RABGGTB: variants seen among roughly 807,000 people sequenced by gnomAD.
The protein encoded by RABGGTB is Rab geranylgeranyltransferase subunit beta, also known as geranylgeranyl transferase type-2 subunit beta.
RABGGTB carries 20 observed loss-of-function variants against 44.5 expected under a neutral mutation model. The observed-to-expected ratio is 0.45, with a 90% CI of 0.32 to 0.65. The LOEUF is 0.65. Ranked by LOEUF, RABGGTB falls within the 30% of genes least tolerant of loss-of-function variation. The pLI is 0.05. For missense variants in RABGGTB, 302 were observed against 398.7 expected (o/e 0.76, Z 2.06); for synonymous variants, 128 against 136.7 (o/e 0.94, Z 0.44).
rs567084876 is a variant in RABGGTB at position 75,793,892 on chromosome 1, T to A, written c.706-192T>A. On this transcript the variant is annotated intron_variant, in intron 7 of 8. Coordinates refer to ENST00000319942, the MANE Select transcript of RABGGTB (RefSeq NM_004582.4). ...AGTTTGGTCTCTTCTTACCCATTAATTGATTATCTTTCATTCTAAGCAAGT... is the reference window on the plus strand; with the variant it reads ...AGTTTGGTCTCTTCTTACCCATTAAATGATTATCTTTCATTCTAAGCAAGT... 7.7e-6 allele frequency: 4 copies of A among 520,876 alleles called. No homozygotes were observed. In the South Asian group the frequency reaches 1.3e-4, roughly 17 times the overall value. 32.3% of individuals were successfully genotyped at this position (520,876 alleles called of 1,614,324 possible). A position where few individuals can be genotyped will look rare whatever the true frequency, so the allele number is the denominator to read the frequency against.
Position 75,791,513 on chromosome 1 carries a change from G to A in RABGGTB, c.521G>A (p.Cys174Tyr), listed in dbSNP as rs1649645069. 6.2e-7 allele frequency: 1 copy of A among 1,613,182 alleles called. No homozygotes were observed. The highest frequency in any genetic ancestry group is 2.2e-5 in the East Asian group (1 of 44,852). The change falls in exon 6 of 9, where the codon TGT becomes TAT. Residue 174 changes from cysteine (C) to tyrosine (Y), a missense_variant. This residue lies in a region of RABGGTB where 213 missense variants were observed against 323.7 expected (regional missense o/e 0.66). Coordinates refer to ENST00000319942, the MANE Select transcript of RABGGTB (RefSeq NM_004582.4). The stretch of plus-strand genomic sequence containing the variant: ...AAGGCAATCGAATTTGTTTTATCCT[G>A]TATGAACTTTGACGGTGGATTTGGT... ...VEKAIEFVLSCMNFDGGFGCR... is the reference protein window; with the variant it reads ...VEKAIEFVLSYMNFDGGFGCR...
At chr1:75,788,388 C>G (rs894563361) in intron 2 of RABGGTB, 1 of 155,868 alleles carries the variant, frequency 6.4e-6, no homozygotes, top group African/African-American at 2.4e-5. Context: ...ACTGCAGCCT[C>G]CATCTCCTGG....
At chr1:75,791,649 GTGTT>G in intron 6 of RABGGTB, 78 bp downstream of exon 6, 1 of 1,267,478 alleles carries the variant, frequency 7.9e-7, no homozygotes, top group South Asian at 1.3e-5. Context: ...GGTTATTTCA[GTGTT>G]TGTCAAATAC....
intron 4 of RABGGTB, 140 bp downstream of exon 4, chr1:75,790,197 A>G: frequency 1.4e-6 from 2 of 1,468,924 alleles, no homozygotes; most frequent in Non-Finnish European, 1.8e-6. Flanking sequence ...GTCTGCTGGA[A>G]CTTCCAGCAT....
In RABGGTB at chr1:75,789,177, T is replaced by C; in HGVS notation, c.130T>C (p.Tyr44His). 1 of 1,613,824 alleles carries C rather than the reference T, an allele frequency of 6.2e-7. No individual in the cohort carries two copies. The change falls in exon 3 of 9, where the codon TAT becomes CAT. Residue 44 changes from tyrosine to histidine, a missense_variant. This residue lies in a region of RABGGTB where 89 missense variants were observed against 75.0 expected (regional missense o/e 1.19). Transcript: ENST00000319942. Reference sequence around the variant, plus strand: ...ATTTTAGGAATACTGTATGTCTGAGTATTTGAGAATGAGTGGCATCTATTG... The same window carrying C: ...ATTTTAGGAATACTGTATGTCTGAGCATTTGAGAATGAGTGGCATCTATTG... ...KDDYEYCMSE[Y>H]LRMSGIYWGL...
At chr1:75,787,417 A>G in intron 1 of RABGGTB, 80 bp from the exon 2 acceptor site, 3 of 1,009,530 alleles carry the variant, frequency 3.0e-6, no homozygotes, top group Non-Finnish European at 4.6e-6. Flanking sequence ...GAAAATTGAG[A>G]TGTATGTTGA....
chr1:75,789,394 T>G (rs922672743), intron 3 of RABGGTB, 38 bp downstream of exon 3: 1 of 1,577,156 alleles, frequency 6.3e-7, no homozygotes, highest in African/African-American at 1.3e-5. Flanking sequence ...CTTGATAGTA[T>G]GTTCTCTTAC....
intron 1 of RABGGTB, 29 bp downstream of exon 1, chr1:75,786,303 G>A (rs767940354): frequency 3.2e-5 from 51 of 1,613,952 alleles, no homozygotes; most frequent in Non-Finnish European, 4.0e-5. Flanking sequence ...CTGCTGTCCG[G>A]ATGGGTTGGT....
intron 4 of RABGGTB, chr1:75,790,328 A>G: frequency 1.6e-6 from 2 of 1,239,602 alleles, no homozygotes; most frequent in Non-Finnish European, 2.0e-6. Context: ...TTTTTTAAAA[A>G]CTACTTGCTG....
At position 75,790,446 on chromosome 1, in the gene RABGGTB, G is replaced by A. The variant is rs1351311073; in HGVS notation, c.415+389G>A. 4 of 1,082,152 alleles carry A rather than the reference G, an allele frequency of 3.7e-6. No homozygotes were observed. The East Asian group carries it at 2.6e-4, about 69-fold the overall frequency. The allele number at this position is 1,082,152 out of a possible 1,614,324, so 67.0% of individuals were successfully genotyped here. A position where few individuals can be genotyped will look rare whatever the true frequency, so the allele number is the denominator to read the frequency against. On this transcript the variant is annotated intron_variant, in intron 4 of 8. Coordinates refer to ENST00000319942, the MANE Select transcript of RABGGTB (RefSeq NM_004582.4). ...TAAACGTAGATAATCTCTGCTTTAGGGATGAACACAGTGCAGGCCAGAGAG... is the reference window on the plus strand; with the variant it reads ...TAAACGTAGATAATCTCTGCTTTAGAGATGAACACAGTGCAGGCCAGAGAG...
At chr1:75,787,826 G>A (rs1649537525) in intron 2 of RABGGTB, 1 of 695,994 alleles carries the variant, frequency 1.4e-6, no homozygotes, top group East Asian at 2.6e-5. Flanking sequence ...GCCAGACAAA[G>A]TAGATGAGGG....
At chr1:75,793,980 G>A in intron 7 of RABGGTB, 104 bp from the exon 8 acceptor site, 1 of 1,141,212 alleles carries the variant, frequency 8.8e-7, no homozygotes, top group Non-Finnish European at 1.2e-6. Context: ...TTGACACTTT[G>A]AACATCAGAT....
chr1:75,791,078 C>T (rs1363083052), intron 4 of RABGGTB, among the ~76,000 whole-genome samples: 3 of 152,204 alleles, frequency 2.0e-5, no homozygotes, highest in African/African-American at 7.2e-5. Flanking sequence ...GCAAGAGCTA[C>T]TGTGCCTGGT....
chr1:75,786,613 G>C (rs1255505384), intron 1 of RABGGTB: 1 of 338,642 alleles, frequency 3.0e-6, no homozygotes, highest in Non-Finnish European at 5.5e-6. Flanking sequence ...AATCGTTAGT[G>C]ATGTGGTCTC....
intron 1 of RABGGTB, chr1:75,787,022 T>A (rs1215747567): frequency 2.0e-6 from 1 of 502,704 alleles, no homozygotes; most frequent in South Asian, 1.5e-5. Flanking sequence ...TTTTTACTTA[T>A]CTTTTTGAAT....
Position 75,786,590 on chromosome 1 carries a change from A to C in RABGGTB, c.3+316A>C, listed in dbSNP as rs1570926252. 7.9e-6 allele frequency: 3 copies of C among 378,788 alleles called. No individual in the cohort carries two copies. In the East Asian group the frequency reaches 1.4e-4, roughly 18 times the overall value. 23.5% of individuals were successfully genotyped at this position (378,788 alleles called of 1,614,324 possible). A position where few individuals can be genotyped will look rare whatever the true frequency, so the allele number is the denominator to read the frequency against. ...TTTTTTTCTTGGAGAGGGGGTGTCA[A>C]AGATTTCTTTAAAATCGTTAGTGAT... On this transcript the variant is annotated intron_variant, in intron 1 of 8. Coordinates refer to ENST00000319942, the MANE Select transcript of RABGGTB (RefSeq NM_004582.4).
chr1:75,791,512 T>C lies in RABGGTB; in HGVS notation c.520T>C (p.Cys174Arg). 3.1e-6 allele frequency: 5 copies of C among 1,613,564 alleles called. No homozygotes were observed. The highest frequency in any genetic ancestry group is 3.4e-6 in the Non-Finnish European group (4 of 1,179,992). ...AAAGGCAATCGAATTTGTTTTATCCTGTATGAACTTTGACGGTGGATTTGG... is the reference window on the plus strand; with the variant it reads ...AAAGGCAATCGAATTTGTTTTATCCCGTATGAACTTTGACGGTGGATTTGG... ...VEKAIEFVLS[C>R]MNFDGGFGCR... Residue 174 changes from cysteine to arginine, a missense_variant, in exon 6 of 9, where the codon TGT becomes CGT. By Grantham distance (180) the Cys-to-Arg change is radical. Transcript: ENST00000319942.
Position 75,791,321 on chromosome 1 carries a change from C to A in RABGGTB, c.452C>A (p.Ala151Glu), listed in dbSNP as rs899558990. 6.2e-7 allele frequency: 1 copy of A among 1,610,330 alleles called. No individual in the cohort carries two copies. Among genetic ancestry groups the A allele is most frequent in the Admixed American group, 1.7e-5 (1 of 59,928 alleles). Residue 151 changes from alanine (A) to glutamate (E), a missense_variant, in exon 5 of 9, where the codon GCA becomes GAA. Physicochemically the swap from Ala to Glu is moderately radical, Grantham distance 107. Coordinates refer to ENST00000319942, the MANE Select transcript of RABGGTB (RefSeq NM_004582.4). ...ACAAGATTCTCTTTTTGTGCGGTGGCAACTTTGGCTTTGTTGGTAAGCTTT... is the reference window on the plus strand; with the variant it reads ...ACAAGATTCTCTTTTTGTGCGGTGGAAACTTTGGCTTTGTTGGTAAGCTTT... ...IDTRFSFCAVATLALLGKLDA... is the reference protein window; with the variant it reads ...IDTRFSFCAVETLALLGKLDA...
intron 1 of RABGGTB, chr1:75,787,259 C>T: frequency 1.6e-6 from 1 of 633,100 alleles, no homozygotes; most frequent in Non-Finnish European, 2.9e-6. Flanking sequence ...TTGAGTCGGT[C>T]TCCGGTCGCC....
Sources: allele counts gnomAD v4.1 joint callset (sites outside exome capture counted in the v4.1 genomes callset), GRCh38; gene constraint gnomAD v4.1.1; regional missense constraint gnomAD v4.1.1; transcripts MANE v1.5; gene names NCBI Gene and HGNC (gene_info 2026-07-23, HGNC 2026-07-21).